The following FGGY variants were observed in gnomAD, a reference collection of about 807,000 sequenced individuals.
The protein encoded by FGGY is FGGY carbohydrate kinase domain containing, also known as FGGY carbohydrate kinase domain-containing protein.
FGGY carries 72 observed loss-of-function variants against 71.3 expected under a neutral mutation model. The ratio of observed to expected loss-of-function variants is 1.01; its 90% CI spans 0.84 to 1.23. FGGY has a LOEUF of 1.23. Ranked by LOEUF, FGGY falls within the 50% of genes most tolerant of loss-of-function variation. The pLI, the probability that FGGY is intolerant of heterozygous loss-of-function variation, is 0.00. For missense variants in FGGY, 668 were observed against 682.3 expected (o/e 0.98, Z 0.23); for synonymous variants, 251 against 250.3 (o/e 1.00, Z -0.02).
chr1:59,460,330 G>A (rs1031228942), intron 6 of FGGY, among the ~76,000 whole-genome samples: 1 of 152,212 alleles, frequency 6.6e-6, no homozygotes, highest in Non-Finnish European at 1.5e-5. Context: ...GAACTGCAAG[G>A]TGGCAGTGAG....
chr1:59,599,085 T>C (rs1326316654), intron 8 of FGGY, among the ~76,000 whole-genome samples: 1 of 146,306 alleles, frequency 6.8e-6, no homozygotes, highest in East Asian at 2.3e-4. Flanking sequence ...AGTTCAGTCC[T>C]ACACATGTTC....
intron 2 of FGGY, among the ~76,000 whole-genome samples, chr1:59,324,266 CTTTTTTTTTTTTTTT>C (rs71046329): frequency 3.8e-5 from 3 of 78,106 alleles, no homozygotes; most frequent in African/African-American, 9.7e-5. Context: ...ATAATAACTA[CTTTTTTTTTTTTTTT>C]TTTTTTTTTT....
chr1:59,558,058 G>C (rs944416665), intron 8 of FGGY, among the ~76,000 whole-genome samples: 6 of 152,172 alleles, frequency 3.9e-5, no homozygotes, highest in Non-Finnish European at 7.3e-5. Flanking sequence ...CACTTACTGT[G>C]TGAATTTAGG....
In FGGY at chr1:59,582,754, T is replaced by C. The variant is rs928958476; in HGVS notation, c.904-25049T>C. ...TATGTCTTCCTTGCTGTGAATTCCT[T>C]GAGGACAGATATTGCGGAGCATTCA... is the stretch of plus-strand genomic sequence containing the variant. On this transcript the variant is annotated intron_variant, in intron 8 of 15. Coordinates refer to ENST00000303721, the MANE Select transcript of FGGY (RefSeq NM_018291.5). Among the ~76,000 whole-genome samples the C allele has an allele frequency of 1.3e-5, 2 of 150,232 alleles. 1 individual carries two copies. The highest frequency in any genetic ancestry group is 5.0e-5 in the African/African-American group (2 of 39,816).
intron 8 of FGGY, among the ~76,000 whole-genome samples, chr1:59,586,621 A>C (rs2096292908): frequency 6.6e-6 from 1 of 152,204 alleles, no homozygotes; most frequent in African/African-American, 2.4e-5. Context: ...ACAAACCTGC[A>C]CATTGTGCAC....
intron 12 of FGGY, among the ~76,000 whole-genome samples, chr1:59,665,827 C>T (rs780565628): frequency 2.0e-5 from 3 of 152,158 alleles, no homozygotes; most frequent in Non-Finnish European, 2.9e-5. Flanking sequence ...GTGCCCGTCA[C>T]CACGCCCAGC....
intron 7 of FGGY, chr1:59,553,864 C>A: frequency 3.0e-6 from 1 of 331,888 alleles, no homozygotes; most frequent in Non-Finnish European, 5.5e-6. Context: ...TTTATTATGA[C>A]AATCACAATT....
At chr1:59,416,318 G>C (rs964294566) in intron 5 of FGGY, among the ~76,000 whole-genome samples, 1 of 152,122 alleles carries the variant, frequency 6.6e-6, no homozygotes, top group Non-Finnish European at 1.5e-5. Context: ...TACACAATCT[G>C]TCTGTGGTAT....
chr1:59,559,660 T>C lies in FGGY; in HGVS notation c.903+5433T>C, dbSNP rs1167358970. On this transcript the variant is annotated intron_variant, in intron 8 of 15. Transcript: ENST00000303721. ...GAAATAGTTGATTTTAGGATTGGAA[T>C]AGGAAATATACAAGATGAGCTTGGA... is the stretch of plus-strand genomic sequence containing the variant. Among the ~76,000 whole-genome samples the C allele has an allele frequency of 2.6e-5, 4 of 152,252 alleles. 1 individual carries two copies. In the South Asian group the frequency reaches 6.2e-4, roughly 24 times the overall value.
chr1:59,625,888 A>C, intron 9 of FGGY, 100 bp from the exon 10 acceptor site: 1 of 859,174 alleles, frequency 1.2e-6, no homozygotes, highest in Non-Finnish European at 1.7e-6. Context: ...CGTATGGACA[A>C]AGAGTTGAAA....
At chr1:59,644,530 A>G (rs1572545119) in intron 11 of FGGY, among the ~76,000 whole-genome samples, 1 of 152,288 alleles carries the variant, frequency 6.6e-6, no homozygotes, top group South Asian at 2.1e-4. Flanking sequence ...ACGATTATTT[A>G]AAAGAAGCAG....
chr1:59,331,276 T>C (rs764674141), intron 2 of FGGY, among the ~76,000 whole-genome samples: 42 of 152,146 alleles, frequency 2.8e-4, no homozygotes, highest in Non-Finnish European at 4.9e-4. Context: ...CATCTTATCA[T>C]CAAATGGCAA....
At chr1:59,729,279 A>G (rs1364017700) in intron 14 of FGGY, among the ~76,000 whole-genome samples, 3 of 151,962 alleles carry the variant, frequency 2.0e-5, no homozygotes, top group Non-Finnish European at 2.9e-5. Flanking sequence ...GTTTGTGCAT[A>G]GTGTTTACTT....
At chr1:59,487,762 C>T (rs2093697159) in intron 6 of FGGY, among the ~76,000 whole-genome samples, 1 of 152,072 alleles carries the variant, frequency 6.6e-6, no homozygotes, top group African/African-American at 2.4e-5. Context: ...CCTCCTTAAG[C>T]TCCCCTACCT....
At chr1:59,485,939 C>G (rs1233587325) in intron 6 of FGGY, among the ~76,000 whole-genome samples, 1 of 152,148 alleles carries the variant, frequency 6.6e-6, no homozygotes, top group Admixed American at 6.5e-5. Flanking sequence ...GATGAAGTGA[C>G]TTGACAACAT....
intron 4 of FGGY, among the ~76,000 whole-genome samples, chr1:59,376,162 C>T (rs963767297): frequency 3.9e-5 from 6 of 152,108 alleles, no homozygotes; most frequent in Non-Finnish European, 8.8e-5. Flanking sequence ...TTGTTAGATC[C>T]TATACAGAGA....
At chr1:59,585,115 A>G (rs190431453) in intron 8 of FGGY, among the ~76,000 whole-genome samples, 3 of 152,300 alleles carry the variant, frequency 2.0e-5, no homozygotes, top group East Asian at 1.9e-4. Flanking sequence ...TATAGATTCA[A>G]TGCCATCCCC....
intron 3 of FGGY, among the ~76,000 whole-genome samples, chr1:59,345,805 A>G (rs1475121800): frequency 6.6e-6 from 1 of 152,144 alleles, no homozygotes; most frequent in Non-Finnish European, 1.5e-5. Flanking sequence ...TTGTTTAGCT[A>G]TTAGATGTAT....
rs568943711 is a variant in FGGY, at chr1:59,405,479, TG to T, written c.554+26643del. Among the ~76,000 whole-genome samples, 614 of 152,300 alleles carry T rather than the reference TG, an allele frequency of 4.0e-3. 2 individuals are homozygous for T. Among genetic ancestry groups the T allele is most frequent in the Non-Finnish European group, 6.6e-3 (446 of 68,024 alleles). ...AAACAGGTAAAACCTGACAAAAAGG[TG>T]TTTTATGGCTAGTAGCACCTTGTAC... On this transcript the variant is annotated intron_variant, in intron 5 of 15. Transcript: ENST00000303721.
Sources: gnomAD v4.1 joint callset for allele counts (sites outside exome capture counted in the v4.1 genomes callset) on GRCh38, gnomAD v4.1.1 for gene constraint, MANE v1.5 for transcripts, NCBI Gene and HGNC (gene_info 2026-07-23, HGNC 2026-07-21) for gene names.